Variants in LRP1B observed in about 807,000 individuals in gnomAD.
The protein encoded by LRP1B is LDL receptor related protein 1B, also known as low-density lipoprotein receptor-related protein 1B.
LRP1B carries 217 observed loss-of-function variants against 556.6 expected under a neutral mutation model. That is an observed-to-expected ratio of 0.39 (90% CI 0.35 to 0.44). The LOEUF (loss-of-function observed/expected upper bound fraction) is 0.44, where lower values mean the gene tolerates loss of function less well. Among genes scored for constraint, LRP1B ranks in the 20% least tolerant of loss-of-function variants. The pLI, the probability that LRP1B is intolerant of heterozygous loss-of-function variation, is 1.00. For missense variants in LRP1B, 5,053 were observed against 5,620.8 expected, an observed-to-expected ratio of 0.90 and a Z score of 3.23; for synonymous variants, 2,047 against 1,865.8, an observed-to-expected ratio of 1.10 and a Z score of -2.50.
At chr2:142,121,985 A>G (rs1468662709) in intron 1 of LRP1B, among the ~76,000 whole-genome samples, 1 of 152,200 alleles carries the variant, frequency 6.6e-6, no homozygotes, top group Non-Finnish European at 1.5e-5. Context: ...AGCAATTAAT[A>G]TAATTAATAA....
rs559724061 is a variant in LRP1B, at chr2:141,837,221, G to A, written c.83-26820C>T. 6.6e-5 allele frequency among the ~76,000 whole-genome samples: 10 copies of A among 152,078 alleles called. 1 individual carries two copies. In the South Asian group the frequency reaches 2.1e-3, roughly 31 times the overall value. ...GTTCTGCCAGTTCTAAGACCACTAA[G>A]AAATAGTAAGGAGAGAGTCATCAAA... On this transcript the variant is annotated intron_variant, in intron 1 of 90. Coordinates refer to ENST00000389484, the MANE Select transcript of LRP1B (RefSeq NM_018557.3).
intron 3 of LRP1B, among the ~76,000 whole-genome samples, chr2:141,391,986 C>A (rs927322074): frequency 1.3e-5 from 2 of 152,140 alleles, no homozygotes; most frequent in East Asian, 3.9e-4. Flanking sequence ...AGGTAAGATG[C>A]ATGTATATCC....
At chr2:140,912,348 A>G (rs963092831) in intron 21 of LRP1B, among the ~76,000 whole-genome samples, 1 of 151,742 alleles carries the variant, frequency 6.6e-6, no homozygotes, top group Non-Finnish European at 1.5e-5. Context: ...TCTTGAATGA[A>G]CAAATATCAC....
chr2:141,893,913 CTCTTTTT>C (rs913332960), intron 1 of LRP1B, among the ~76,000 whole-genome samples: 30 of 152,100 alleles, frequency 2.0e-4, no homozygotes, highest in Admixed American at 7.2e-4. Context: ...TCGTTTCTTC[CTCTTTTT>C]TCTTTTTTCT....
intron 77 of LRP1B, 82 bp downstream of exon 77, chr2:140,350,715 G>T (rs1056470468): frequency 8.7e-7 from 1 of 1,151,986 alleles, no homozygotes; most frequent in South Asian, 1.5e-5. Flanking sequence ...AGTATAATTA[G>T]ATATTATATT....
At chr2:140,967,890 C>T (rs1434550101) in intron 18 of LRP1B, among the ~76,000 whole-genome samples, 1 of 151,588 alleles carries the variant, frequency 6.6e-6, no homozygotes, top group Non-Finnish European at 1.5e-5. Context: ...AGGGATGAAG[C>T]CCACTTGATC....
intron 7 of LRP1B, among the ~76,000 whole-genome samples, chr2:141,161,166 G>C (rs1000658957): frequency 2.6e-5 from 4 of 151,884 alleles, no homozygotes; most frequent in Non-Finnish European, 5.9e-5. Context: ...TTTTTAAAAA[G>C]TTTTCTCCAT....
Position 140,315,108 on chromosome 2 carries a change from G to A in LRP1B, c.12641-9C>T, listed in dbSNP as rs1684464002. ...TAACTTACATGAATCATCTGTTTAT[G>A]AGAAGAAATGTACAAATTAGCATGT... On this transcript the variant is annotated splice_polypyrimidine_tract_variant and intron_variant, in intron 82 of 90. Transcript: ENST00000389484. 1.3e-6 allele frequency: 2 copies of A among 1,583,434 alleles called. No individual in the cohort carries two copies. Among genetic ancestry groups the A allele is most frequent in the Non-Finnish European group, 8.6e-7 (1 of 1,160,872 alleles).
chr2:141,338,474 TCAA>T (rs1299691932), intron 3 of LRP1B, among the ~76,000 whole-genome samples: 9 of 152,128 alleles, frequency 5.9e-5, no homozygotes, highest in Non-Finnish European at 1.2e-4. Flanking sequence ...GAAAAAGTGG[TCAA>T]CTACAAACTG....
At chr2:140,965,267 A>G (rs1250294163) in intron 18 of LRP1B, among the ~76,000 whole-genome samples, 1 of 151,986 alleles carries the variant, frequency 6.6e-6, no homozygotes, top group African/African-American at 2.4e-5. Context: ...ATACTTAAGT[A>G]TTTCTTGTGG....
intron 67 of LRP1B, among the ~76,000 whole-genome samples, chr2:140,378,996 T>C (rs923022209): frequency 3.9e-5 from 6 of 152,242 alleles, no homozygotes; most frequent in Non-Finnish European, 7.3e-5. Context: ...AATGACTTAC[T>C]ACTTGGCTTA....
chr2:140,800,501 G>A (rs189690872), intron 32 of LRP1B, among the ~76,000 whole-genome samples: 163 of 152,238 alleles, frequency 1.1e-3, no homozygotes, highest in Non-Finnish European at 1.5e-3. Flanking sequence ...GCAATGTTAA[G>A]GGTACGTCTC....
chr2:141,439,097 C>T (rs550209093), intron 3 of LRP1B, among the ~76,000 whole-genome samples: 2 of 152,202 alleles, frequency 1.3e-5, no homozygotes, highest in South Asian at 4.1e-4. Context: ...ACAACCCATA[C>T]AGCAAAACAA....
rs1212960119 is a variant in LRP1B, at chr2:140,683,617, C to T, written c.6799+16633G>A. On this transcript the variant is annotated intron_variant, in intron 41 of 90. Transcript: ENST00000389484. ...TGTTCCTTGGGTGGACAGTTTGTCC[C>T]TTCTCTCAGCTCCCAGGTATTCCAT... is the stretch of plus-strand genomic sequence containing the variant. 8 of 697,084 alleles carry T rather than the reference C, an allele frequency of 1.1e-5. No homozygotes were observed. The African/African-American group carries it at 1.2e-4, about 11-fold the overall frequency. 43.2% of individuals were successfully genotyped at this position (697,084 alleles called of 1,614,324 possible). A position where few individuals can be genotyped will look rare whatever the true frequency, so the allele number is the denominator to read the frequency against.
At chr2:140,927,708 C>CTTTT (rs11441032) in intron 20 of LRP1B, among the ~76,000 whole-genome samples, 34 of 116,060 alleles carry the variant, frequency 2.9e-4, no homozygotes, top group African/African-American at 4.9e-4. Flanking sequence ...ACGAGGAAGG[C>CTTTT]TTTTTTTTTT....
intron 35 of LRP1B, among the ~76,000 whole-genome samples, chr2:140,759,889 C>A (rs1463680063): frequency 6.6e-6 from 1 of 152,118 alleles, no homozygotes; most frequent in African/African-American, 2.4e-5. Flanking sequence ...CCCAGGCAAT[C>A]CTAGACAGCT....
intron 23 of LRP1B, among the ~76,000 whole-genome samples, chr2:140,888,940 G>T (rs1166283659): frequency 3.5e-4 from 48 of 137,422 alleles, no homozygotes; most frequent in Non-Finnish European, 5.7e-4. Context: ...TCCAGCCTGC[G>T]CAATAAAGTG....
At chr2:141,299,826 G>C (rs1375884615) in intron 3 of LRP1B, among the ~76,000 whole-genome samples, 1 of 152,026 alleles carries the variant, frequency 6.6e-6, no homozygotes, top group African/African-American at 2.4e-5. Context: ...TTAATTGATG[G>C]GCCCAGGACT....
At chr2:141,811,535 G>A (rs955189965) in intron 1 of LRP1B, among the ~76,000 whole-genome samples, 1 of 151,840 alleles carries the variant, frequency 6.6e-6, no homozygotes, top group Admixed American at 6.6e-5. Context: ...CCCTCCGCCT[G>A]ATACCAGCAG....
Sources: allele counts gnomAD v4.1 joint callset (sites outside exome capture counted in the v4.1 genomes callset), GRCh38; gene constraint gnomAD v4.1.1; transcripts MANE v1.5; gene names NCBI Gene and HGNC (gene_info 2026-07-23, HGNC 2026-07-21).